The following CHST11 variants were observed in gnomAD, a reference collection of about 807,000 sequenced individuals.
CHST11 encodes C4S-1.
In CHST11, 9 loss-of-function variants were observed where a neutral mutation model predicts 30.4. The ratio of observed to expected loss-of-function variants is 0.30; its 90% CI spans 0.18 to 0.52. The LOEUF (loss-of-function observed/expected upper bound fraction) is 0.52, where lower values mean the gene tolerates loss of function less well. CHST11 is among the 20% of genes least tolerant of loss of function. CHST11 has a pLI of 0.97. For synonymous variants in CHST11, 152 were observed against 187.8 expected, an observed-to-expected ratio of 0.81 and a Z score of 1.56; for missense variants, 348 against 460.6, an observed-to-expected ratio of 0.76 and a Z score of 2.24.
intron 2 of CHST11, among the ~76,000 whole-genome samples, chr12:104,656,012 A>G (rs1208491829): frequency 6.6e-6 from 1 of 152,240 alleles, no homozygotes; most frequent in African/African-American, 2.4e-5. Context: ...TCTAGATTCC[A>G]GGCAGCAGAA....
At chr12:104,718,803 T>C (rs558050696) in intron 2 of CHST11, among the ~76,000 whole-genome samples, 2 of 152,306 alleles carry the variant, frequency 1.3e-5, no homozygotes, top group African/African-American at 4.8e-5. Context: ...AACTCCTTAA[T>C]GAAAAATTTC....
rs563443373 is a variant in CHST11 at position 104,457,740 on chromosome 12, T to C, written c.118+211T>C. Among the ~76,000 whole-genome samples the C allele has an allele frequency of 1.6e-4, 25 of 151,518 alleles. 1 individual carries two copies. The South Asian group carries it at 4.8e-3, about 29-fold the overall frequency. On this transcript the variant is annotated intron_variant, in intron 1 of 2. Coordinates refer to ENST00000303694, the MANE Select transcript of CHST11 (RefSeq NM_018413.6). ...AGGGAAGGTGTGCTTCGCCCTCTTC[T>C]TCCTACCGGCTCCGGGCTGGAGGAT...
intron 2 of CHST11, among the ~76,000 whole-genome samples, chr12:104,730,309 TG>T (rs1304912059): frequency 6.6e-6 from 1 of 152,258 alleles, no homozygotes; most frequent in African/African-American, 2.4e-5. Context: ...GAGTGACTCT[TG>T]CCACAGAGGG....
At chr12:104,524,625 T>C (rs560706009) in intron 1 of CHST11, among the ~76,000 whole-genome samples, 7 of 152,086 alleles carry the variant, frequency 4.6e-5, no homozygotes, top group Admixed American at 3.9e-4. Context: ...CACTCATCCA[T>C]CCGTCCGTCC....
chr12:104,573,232 A>T (rs1019990747), intron 1 of CHST11, among the ~76,000 whole-genome samples: 7 of 152,148 alleles, frequency 4.6e-5, no homozygotes, highest in African/African-American at 1.4e-4. Context: ...ATGGAAGAAC[A>T]TTCCATGCTC....
intron 1 of CHST11, among the ~76,000 whole-genome samples, chr12:104,574,955 G>A (rs2038668280): frequency 6.6e-6 from 1 of 152,106 alleles, no homozygotes; most frequent in Non-Finnish European, 1.5e-5. Context: ...TCTTTGGGAG[G>A]CCAAGGCAGG....
intron 2 of CHST11, among the ~76,000 whole-genome samples, chr12:104,612,629 G>A (rs1020191932): frequency 1.3e-5 from 2 of 152,174 alleles, no homozygotes; most frequent in South Asian, 2.1e-4. Context: ...TGTGTGTGTC[G>A]TGTTCTGCTA....
intron 1 of CHST11, among the ~76,000 whole-genome samples, chr12:104,578,053 CT>C (rs1193025240): frequency 2.0e-5 from 3 of 152,168 alleles, no homozygotes; most frequent in Non-Finnish European, 2.9e-5. Context: ...TTTTGGTGAA[CT>C]TCACAGCGGT....
chr12:104,662,774 T>G (rs946483778), intron 2 of CHST11, among the ~76,000 whole-genome samples: 8 of 152,354 alleles, frequency 5.3e-5, no homozygotes, highest in African/African-American at 7.2e-5. Context: ...GTTTTTTAGG[T>G]GTAATACAAG....
chr12:104,521,330 T>C (rs2038071861), intron 1 of CHST11, among the ~76,000 whole-genome samples: 1 of 152,232 alleles, frequency 6.6e-6, no homozygotes, highest in Non-Finnish European at 1.5e-5. Flanking sequence ...TACATGCAGG[T>C]TGGTTTTTCT....
At chr12:104,677,575 T>G (rs2039754112) in intron 2 of CHST11, among the ~76,000 whole-genome samples, 1 of 152,248 alleles carries the variant, frequency 6.6e-6, no homozygotes, top group African/African-American at 2.4e-5. Flanking sequence ...TCACAGGTCA[T>G]GTGATGTTTC....
Position 104,684,485 on chromosome 12 carries a change from C to G in CHST11, c.205-72464C>G, listed in dbSNP as rs193081537. On this transcript the variant is annotated intron_variant, in intron 2 of 2. Transcript: ENST00000303694. ...CCCTGCCCCTCCATGGCTCCAAAGG[C>G]TATTAGAAAGCTCAAACTGAAAGCC... 3.9e-5 allele frequency among the ~76,000 whole-genome samples: 6 copies of G among 152,306 alleles called. No homozygotes were observed. The East Asian group carries it at 1.2e-3, about 29-fold the overall frequency.
chr12:104,457,990 G>A (rs1253620656), intron 1 of CHST11, among the ~76,000 whole-genome samples: 2 of 151,790 alleles, frequency 1.3e-5, no homozygotes, highest in Admixed American at 6.6e-5. Flanking sequence ...CGGGCGAGCC[G>A]CCTCTTCCTG....
At chr12:104,699,502 G>C (rs1310031676) in intron 2 of CHST11, among the ~76,000 whole-genome samples, 1 of 152,136 alleles carries the variant, frequency 6.6e-6, no homozygotes, top group African/African-American at 2.4e-5. Flanking sequence ...TGTAAGTGTG[G>C]CCTGCATGAT....
At chr12:104,738,482 G>A (rs1780395001) in intron 2 of CHST11, among the ~76,000 whole-genome samples, 1 of 152,206 alleles carries the variant, frequency 6.6e-6, no homozygotes, top group African/African-American at 2.4e-5. Flanking sequence ...CTTAATAAAA[G>A]CAGTGAACAT....
At chr12:104,468,119 C>G (rs966980944) in intron 1 of CHST11, among the ~76,000 whole-genome samples, 2 of 149,584 alleles carry the variant, frequency 1.3e-5, no homozygotes, top group African/African-American at 5.0e-5. Flanking sequence ...GTGACAAATG[C>G]TACGGGAGGC....
chr12:104,515,638 A>G (rs893551471), intron 1 of CHST11, among the ~76,000 whole-genome samples: 1 of 152,202 alleles, frequency 6.6e-6, no homozygotes, highest in Non-Finnish European at 1.5e-5. Context: ...TGGAGCTTAC[A>G]GTCTAGGGGG....
In CHST11 at chr12:104,519,096, G is replaced by A. The variant is rs1047778889; in HGVS notation, c.118+61567G>A. Among the ~76,000 whole-genome samples the A allele has an allele frequency of 3.2e-4, 49 of 151,368 alleles. 1 individual carries two copies. The highest frequency in any genetic ancestry group is 3.4e-3 in the Middle Eastern group (1 of 292). On this transcript the variant is annotated intron_variant, in intron 1 of 2. Coordinates refer to ENST00000303694, the MANE Select transcript of CHST11 (RefSeq NM_018413.6). The stretch of plus-strand genomic sequence containing the variant: ...GGTGTGTGTGTGTGTGTGTGTGTGT[G>A]TGTGTGTGTTTCTTTCTCCATAATA...
At chr12:104,711,068 A>G (rs2040083468) in intron 2 of CHST11, among the ~76,000 whole-genome samples, 2 of 152,066 alleles carry the variant, frequency 1.3e-5, no homozygotes, top group African/African-American at 4.8e-5. Context: ...TGCAATTATC[A>G]AATATTTGCG....
Sources: gnomAD v4.1 joint callset for allele counts (sites outside exome capture counted in the v4.1 genomes callset) on GRCh38, gnomAD v4.1.1 for gene constraint, MANE v1.5 for transcripts, NCBI Gene and HGNC (gene_info 2026-07-23, HGNC 2026-07-21) for gene names.